BPIFB1: variants seen among roughly 807,000 people sequenced by gnomAD.
BPIFB1 encodes the protein BPI fold containing family B member 1.
BPIFB1 carries 34 observed loss-of-function variants against 55.1 expected under a neutral mutation model. The ratio of observed to expected loss-of-function variants is 0.62; its 90% CI spans 0.47 to 0.82. The LOEUF is 0.82. Ranked by LOEUF, BPIFB1 falls within the 40% of genes least tolerant of loss-of-function variation. The pLI is 0.00. For synonymous variants in BPIFB1, 236 were observed against 245.3 expected (o/e 0.96, Z 0.35); for missense variants, 532 against 593.1 (o/e 0.90, Z 1.07).
At chr20:33,305,850 G>A (rs1981007562) in intron 13 of BPIFB1, 152 bp from the exon 14 acceptor site, 1 of 830,438 alleles carries the variant, frequency 1.2e-6, no homozygotes, top group Non-Finnish European at 2.0e-6. Flanking sequence ...TGGTCCCTGG[G>A]AGCCCCCACA....
intron 6 of BPIFB1, among the ~76,000 whole-genome samples, chr20:33,296,987 G>C (rs951980519): frequency 1.3e-5 from 2 of 152,232 alleles, no homozygotes; most frequent in Admixed American, 6.5e-5. Context: ...GCAGTAGCAC[G>C]ATTCCAGCTC....
intron 7 of BPIFB1, 166 bp downstream of exon 7, chr20:33,297,754 GA>G: frequency 1.4e-6 from 1 of 714,736 alleles, no homozygotes; most frequent in Non-Finnish European, 2.5e-6. Context: ...CGCGCAGACA[GA>G]AATTCGCCAC....
rs758037116 is a variant in BPIFB1 at position 33,291,899 on chromosome 20, C to T, written c.516-8C>T. ...TCCTAATGTCTCTCGTGCTCTCTTC[C>T]CTGAAAGGCTCTCCTTCCTGGTGAA... On this transcript the variant is annotated splice_region_variant and splice_polypyrimidine_tract_variant and intron_variant, in intron 5 of 15. Transcript: ENST00000253354. 1 of 1,613,474 alleles carries T rather than the reference C, an allele frequency of 6.2e-7. No homozygotes were observed. The highest frequency in any genetic ancestry group is 1.1e-5 in the South Asian group (1 of 91,080).
intron 4 of BPIFB1, among the ~76,000 whole-genome samples, 196 bp from the exon 5 acceptor site, chr20:33,290,761 C>G (rs144560647): frequency 4.6e-5 from 7 of 152,222 alleles, no homozygotes; most frequent in Non-Finnish European, 1.0e-4. Context: ...TGTCAGCAGA[C>G]GAAAGACGTT....
intron 2 of BPIFB1, 66 bp downstream of exon 2, chr20:33,286,254 G>A: frequency 7.1e-7 from 1 of 1,409,192 alleles, no homozygotes; most frequent in African/African-American, 1.4e-5. Context: ...GCTTCCCAAA[G>A]GAGGGAGAGA....
At chr20:33,285,940 A>T in intron 1 of BPIFB1, 93 bp from the exon 2 acceptor site, 1 of 743,228 alleles carries the variant, frequency 1.3e-6, no homozygotes, top group African/African-American at 1.7e-5. Context: ...CACTGCACTC[A>T]ACAGCCTCTC....
rs978484654 is a variant in BPIFB1, at chr20:33,301,364, G to A, written c.879G>A (p.Val293=). 5.6e-6 allele frequency: 9 copies of A among 1,614,052 alleles called. No homozygotes were observed. The highest frequency in any genetic ancestry group is 1.3e-5 in the African/African-American group (1 of 74,936). Residue 293 remains valine, a synonymous_variant, in exon 9 of 16, where the codon GTG becomes GTA. Coordinates refer to ENST00000253354, the MANE Select transcript of BPIFB1 (RefSeq NM_033197.3). ...GTCAGGACGTGGTGAAAGCTGCAGT[G>A]GCTGCTGTGCTCTCTCCAGAAGAAT... ...IVSQDVVKAA[V]AAVLSPEEFM... is the part of the protein sequence containing the mutation.
intron 2 of BPIFB1, 57 bp downstream of exon 2, chr20:33,286,245 C>A: frequency 6.8e-7 from 1 of 1,481,150 alleles, no homozygotes; most frequent in South Asian, 1.1e-5. Context: ...GGTGGAGCAG[C>A]TTCCCAAAGG....
intron 6 of BPIFB1, 47 bp downstream of exon 6, chr20:33,292,035 G>T: frequency 1.9e-6 from 3 of 1,567,414 alleles, no homozygotes; most frequent in East Asian, 2.2e-5. Context: ...TGCGCCCCCT[G>T]TGGGGCTTGG....
At chr20:33,291,160 G>A (rs1229861318) in intron 5 of BPIFB1, 54 bp downstream of exon 5, 2 of 1,590,210 alleles carry the variant, frequency 1.3e-6, no homozygotes, top group African/African-American at 2.7e-5. Context: ...AGGAACGCCA[G>A]GCAGTGGACT....
intron 6 of BPIFB1, among the ~76,000 whole-genome samples, chr20:33,295,681 A>AAAGAAAGAAAGAAAGG (rs1288787218): frequency 2.0e-5 from 3 of 149,618 alleles, no homozygotes; most frequent in African/African-American, 7.6e-5. Context: ...AGAAAGAAAG[A>AAAGAAAGAAAGAAAGG]GAGAAAAAAA....
chr20:33,299,877 C>T, intron 7 of BPIFB1, 22 bp from the exon 8 acceptor site: 2 of 1,612,484 alleles, frequency 1.2e-6, no homozygotes, highest in Non-Finnish European at 1.7e-6. Context: ...CCTCACAGAA[C>T]TTTCTTCTTG....
chr20:33,302,662 C>A, intron 10 of BPIFB1: 1 of 624,104 alleles, frequency 1.6e-6, no homozygotes, highest in Non-Finnish European at 2.8e-6. Context: ...ACACTCTGGG[C>A]CCCTGATACA....
chr20:33,298,996 A>G (rs1980752347), intron 7 of BPIFB1: 10 of 185,954 alleles, frequency 5.4e-5, no homozygotes, highest in Middle Eastern at 7.7e-4. Flanking sequence ...TTTTTTGGAG[A>G]CGGACCTTTT....
At position 33,304,725 on chromosome 20, in the gene BPIFB1, G is replaced by A. The variant is rs1244514653; in HGVS notation, c.1209-121G>A. On this transcript the variant is annotated intron_variant, in intron 12 of 15. Transcript: ENST00000253354. The stretch of plus-strand genomic sequence containing the variant: ...CTCCACGACGCAAGGGCTTCATGTG[G>A]TTCACTGGAGCCCGCACTGTGCCTG... 4.0e-6 allele frequency: 5 copies of A among 1,241,872 alleles called. No individual in the cohort carries two copies. The African/African-American group carries it at 7.4e-5, about 18-fold the overall frequency. 76.9% of individuals were successfully genotyped at this position (1,241,872 alleles called of 1,614,324 possible). A position where few individuals can be genotyped will look rare whatever the true frequency, so the allele number is the denominator to read the frequency against.
chr20:33,291,969 C>A lies in BPIFB1; in HGVS notation c.578C>A (p.Pro193His). 1.2e-6 allele frequency: 2 copies of A among 1,614,230 alleles called. No individual in the cohort carries two copies. The highest frequency in any genetic ancestry group is 2.2e-5 in the East Asian group (1 of 44,894). ...QVMNLLVPSL[P>H]NLVKNQLCPV... is the part of the protein sequence containing the mutation. ...ATGAACCTCCTAGTGCCATCCCTGC[C>A]CAATCTAGTGAAAAACCAGGTGAGT... The change falls in exon 6 of 16, where the codon CCC becomes CAC. Residue 193 changes from proline to histidine, a missense_variant. Coordinates refer to ENST00000253354, the MANE Select transcript of BPIFB1 (RefSeq NM_033197.3).
Position 33,291,971 on chromosome 20 carries a change from A to T in BPIFB1, c.580A>T (p.Asn194Tyr), listed in dbSNP as rs1206523191. Residue 194 changes from asparagine (N) to tyrosine (Y), a missense_variant, in exon 6 of 16, where the codon AAT becomes TAT. Physicochemically the swap from Asn to Tyr is moderately radical, Grantham distance 143 (BLOSUM62 -2). Coordinates refer to ENST00000253354, the MANE Select transcript of BPIFB1 (RefSeq NM_033197.3). The part of the protein sequence containing the change: ...VMNLLVPSLP[N>Y]LVKNQLCPVI... The stretch of plus-strand genomic sequence containing the variant: ...GAACCTCCTAGTGCCATCCCTGCCC[A>T]ATCTAGTGAAAAACCAGGTGAGTGG... 2 of 1,614,224 alleles carry T rather than the reference A, an allele frequency of 1.2e-6. No homozygotes were observed. The highest frequency in any genetic ancestry group is 1.7e-6 in the Non-Finnish European group (2 of 1,180,028).
chr20:33,307,091 C>T (rs915638348), intron 15 of BPIFB1, 104 bp downstream of exon 15: 1 of 1,064,378 alleles, frequency 9.4e-7, no homozygotes, highest in East Asian at 2.4e-5. Context: ...CTACAGGTGA[C>T]CCTGGGCAAG....
At position 33,286,022 on chromosome 20, in the gene BPIFB1, G is replaced by A; in HGVS notation, c.-41-11G>A. On this transcript the variant is annotated splice_polypyrimidine_tract_variant and intron_variant, in intron 1 of 15. Transcript: ENST00000253354. ...GCCCCTCTGCCTCAGGTCCCTCTGT[G>A]CTCACCCCAGGTCTGGCATCCTGCA... 6.4e-7 allele frequency: 1 copy of A among 1,572,368 alleles called. No homozygotes were observed. Among genetic ancestry groups the A allele is most frequent in the South Asian group, 1.1e-5 (1 of 90,094 alleles).
Sources: allele counts gnomAD v4.1 joint callset (sites outside exome capture counted in the v4.1 genomes callset), GRCh38; gene constraint gnomAD v4.1.1; transcripts MANE v1.5; gene names NCBI Gene and HGNC (gene_info 2026-07-23, HGNC 2026-07-21).